ASIC2: variants seen among roughly 807,000 people sequenced by gnomAD.
The protein encoded by ASIC2 is acid-sensing ion channel 2.
ASIC2 carries 25 observed loss-of-function variants against 57.3 expected under a neutral mutation model. That is an observed-to-expected ratio of 0.44 (90% CI 0.32 to 0.61). The LOEUF (loss-of-function observed/expected upper bound fraction) is 0.61, where lower values mean the gene tolerates loss of function less well. ASIC2 is among the 20% of genes least tolerant of loss of function. The pLI, the probability that ASIC2 is intolerant of heterozygous loss-of-function variation, is 0.06. For synonymous variants in ASIC2, 319 were observed against 307.5 expected (o/e 1.04, Z -0.39); for missense variants, 641 against 738.1 (o/e 0.87, Z 1.52).
intron 1 of ASIC2, among the ~76,000 whole-genome samples, chr17:33,995,917 C>G (rs984646369): frequency 6.6e-6 from 1 of 152,140 alleles, no homozygotes; most frequent in African/African-American, 2.4e-5. Flanking sequence ...TTTTAAGGAA[C>G]TACCATACTG....
chr17:34,027,382 A>G (rs1187131922), intron 1 of ASIC2, among the ~76,000 whole-genome samples: 2 of 152,154 alleles, frequency 1.3e-5, no homozygotes, highest in Admixed American at 6.5e-5. Flanking sequence ...TTACACGGCC[A>G]TGGGCTTTTA....
At chr17:33,627,586 G>A (rs779972637) in intron 1 of ASIC2, among the ~76,000 whole-genome samples, 7 of 152,292 alleles carry the variant, frequency 4.6e-5, no homozygotes, top group South Asian at 4.1e-4. Context: ...CTGAACTCTG[G>A]CTAGGTCTCC....
chr17:33,025,848 C>T (rs2091856872), intron 5 of ASIC2, 78 bp downstream of exon 5: 2 of 1,410,028 alleles, frequency 1.4e-6, no homozygotes, highest in South Asian at 1.4e-5. Flanking sequence ...TTGATCTTTC[C>T]CCAAACCCAG....
chr17:33,737,312 G>A (rs1220190467), intron 1 of ASIC2, among the ~76,000 whole-genome samples: 1 of 152,208 alleles, frequency 6.6e-6, no homozygotes, highest in Non-Finnish European at 1.5e-5. Flanking sequence ...ACGAACAAGA[G>A]GTGTCCCTGG....
At position 33,764,060 on chromosome 17, in the gene ASIC2, G is replaced by A. The variant is rs1036896888; in HGVS notation, c.555+391918C>T. 3.9e-5 allele frequency among the ~76,000 whole-genome samples: 6 copies of A among 152,130 alleles called. No homozygotes were observed. In the South Asian group the frequency reaches 1.0e-3, roughly 26 times the overall value. ...TGTAATCCCAGCACTTTGGGAGGCC[G>A]AGGCAGGCGGATCACGAGGTCAGGA... On this transcript the variant is annotated intron_variant, in intron 1 of 9. Coordinates refer to the ASIC2 transcript ENST00000359872.
chr17:33,475,599 G>A (rs986289855), intron 1 of ASIC2, among the ~76,000 whole-genome samples: 7 of 152,202 alleles, frequency 4.6e-5, no homozygotes, highest in African/African-American at 1.4e-4. Context: ...GTTAAGTAAC[G>A]ATGTCTGGTT....
intron 1 of ASIC2, among the ~76,000 whole-genome samples, chr17:33,855,891 A>T (rs1306931176): frequency 6.6e-6 from 1 of 152,154 alleles, no homozygotes; most frequent in Non-Finnish European, 1.5e-5. Context: ...CATTTTGCAC[A>T]ATCCAACCCA....
Position 33,088,855 on chromosome 17 carries a change from G to A in ASIC2, c.987+8C>T, listed in dbSNP as rs1567740251. On this transcript the variant is annotated splice_region_variant and intron_variant, in intron 3 of 9. Transcript: ENST00000225823. ...GGACCATCAATCCTGGGAGCCCAGG[G>A]AACTTACCCTCTGCTCCTGTGTGGC... 1.2e-6 allele frequency: 2 copies of A among 1,608,792 alleles called. No homozygotes were observed. Among genetic ancestry groups the A allele is most frequent in the Non-Finnish European group, 8.5e-7 (1 of 1,177,512 alleles).
intron 2 of ASIC2, among the ~76,000 whole-genome samples, chr17:33,092,065 T>C (rs977557979): frequency 4.6e-5 from 7 of 152,200 alleles, no homozygotes; most frequent in African/African-American, 1.7e-4. Context: ...AACTCCGCCA[T>C]CTTGCCTTCC....
At chr17:33,044,504 C>A (rs969359159) in intron 3 of ASIC2, among the ~76,000 whole-genome samples, 4 of 152,216 alleles carry the variant, frequency 2.6e-5, no homozygotes, top group Non-Finnish European at 5.9e-5. Context: ...TCCCAAGTAG[C>A]TGAGATTACA....
chr17:33,018,545 A>AT (rs2091819637), intron 7 of ASIC2, among the ~76,000 whole-genome samples: 3 of 152,184 alleles, frequency 2.0e-5, no homozygotes, highest in African/African-American at 4.8e-5. Flanking sequence ...GTCCATAGCT[A>AT]TTATCAGTTT....
chr17:33,928,065 A>G (rs867006127), intron 1 of ASIC2, among the ~76,000 whole-genome samples: 30 of 152,336 alleles, frequency 2.0e-4, no homozygotes, highest in Middle Eastern at 3.4e-3. Flanking sequence ...TAAGAAAAAC[A>G]TATGGGAGAA....
At chr17:33,847,872 A>G (rs1157458514) in intron 1 of ASIC2, among the ~76,000 whole-genome samples, 2 of 152,182 alleles carry the variant, frequency 1.3e-5, no homozygotes, top group African/African-American at 4.8e-5. Context: ...GGCAAGGGGC[A>G]GCAATGGGAG....
At chr17:33,128,839 C>T (rs763046106) in intron 1 of ASIC2, among the ~76,000 whole-genome samples, 1 of 152,222 alleles carries the variant, frequency 6.6e-6, no homozygotes, top group East Asian at 1.9e-4. Flanking sequence ...TAGTAGTCAC[C>T]ATACTTCCAT....
At chr17:33,288,588 A>G (rs1905286820) in intron 1 of ASIC2, among the ~76,000 whole-genome samples, 1 of 152,124 alleles carries the variant, frequency 6.6e-6, no homozygotes. Context: ...TCTGGCTGTA[A>G]AGCAGACAAT....
Position 33,165,754 on chromosome 17 carries a change from T to C in ASIC2, c.709-53687A>G, listed in dbSNP as rs114225299. Among the ~76,000 whole-genome samples, 833 of 152,238 alleles carry C rather than the reference T, an allele frequency of 5.5e-3. 13 individuals carry two copies. The highest frequency in any genetic ancestry group is 0.018 in the African/African-American group (729 of 41,542). On this transcript the variant is annotated intron_variant, in intron 1 of 9. Transcript: ENST00000225823. ...CCTGCTAACATCTTCAGCTACCTTT[T>C]GAGGAGAGGAACAAGGAAAAAGGTA... is the stretch of plus-strand genomic sequence containing the variant.
intron 1 of ASIC2, among the ~76,000 whole-genome samples, chr17:33,814,282 T>G (rs1912513967): frequency 6.6e-6 from 1 of 152,108 alleles, no homozygotes; most frequent in Non-Finnish European, 1.5e-5. Context: ...AAAGCATAAG[T>G]CACAGGCTAC....
intron 1 of ASIC2, among the ~76,000 whole-genome samples, chr17:33,585,745 T>C (rs1340405356): frequency 1.3e-5 from 2 of 152,262 alleles, no homozygotes; most frequent in Non-Finnish European, 2.9e-5. Flanking sequence ...TGTTATAACC[T>C]GCATTTTAGT....
intron 1 of ASIC2, among the ~76,000 whole-genome samples, chr17:33,350,544 G>A (rs555475509): frequency 7.9e-5 from 12 of 152,054 alleles, no homozygotes; most frequent in South Asian, 2.1e-4. Flanking sequence ...GCTGGGCGTC[G>A]TGGTGTGCGC....
Sources: allele counts gnomAD v4.1 joint callset (sites outside exome capture counted in the v4.1 genomes callset), GRCh38; gene constraint gnomAD v4.1.1; transcripts MANE v1.5; gene names NCBI Gene and HGNC (gene_info 2026-07-23, HGNC 2026-07-21).